The following ZZZ3 variants were observed in gnomAD, a reference collection of about 807,000 sequenced individuals.
ZZZ3 encodes the protein zinc finger ZZ-type containing 3.
ZZZ3 carries 22 observed loss-of-function variants against 95.2 expected under a neutral mutation model. The ratio of observed to expected loss-of-function variants is 0.23; its 90% CI spans 0.17 to 0.33. The LOEUF (loss-of-function observed/expected upper bound fraction) is 0.33, where lower values mean the gene tolerates loss of function less well. Among genes scored for constraint, ZZZ3 ranks in the 10% least tolerant of loss-of-function variants. The pLI, the probability that ZZZ3 is intolerant of heterozygous loss-of-function variation, is 1.00. For missense variants in ZZZ3, 885 were observed against 1,066.5 expected (o/e 0.83, Z 2.37); for synonymous variants, 335 against 358.9 (o/e 0.93, Z 0.75).
chr1:77,601,677 G>A (rs1263328335), intron 5 of ZZZ3, among the ~76,000 whole-genome samples: 1 of 152,102 alleles, frequency 6.6e-6, no homozygotes, highest in Admixed American at 6.6e-5. Context: ...TCATTTCCCT[G>A]TTTAAAAGAC....
At chr1:77,608,007 A>C (rs1665425203) in intron 5 of ZZZ3, among the ~76,000 whole-genome samples, 1 of 152,096 alleles carries the variant, frequency 6.6e-6, no homozygotes, top group Non-Finnish European at 1.5e-5. Context: ...GCATGACTAC[A>C]GGATCTGGAA....
chr1:77,633,394 T>A lies in ZZZ3; in HGVS notation c.-40A>T. The stretch of plus-strand genomic sequence containing the variant: ...CTACAATACGGTCATCATGATCCAC[T>A]CATTGGGAAACCTTCAAAAATGTAA... On this transcript the variant is annotated 5_prime_UTR_variant, in exon 5 of 15. Coordinates refer to ENST00000370801, the MANE Select transcript of ZZZ3 (RefSeq NM_015534.6). 1 of 1,531,838 alleles carries A rather than the reference T, an allele frequency of 6.5e-7. No homozygotes were observed. Among genetic ancestry groups the A allele is most frequent in the Non-Finnish European group, 8.7e-7 (1 of 1,143,564 alleles). The allele number at this position is 1,531,838 out of a possible 1,614,324, so 94.9% of individuals were successfully genotyped here. A position where few individuals can be genotyped will look rare whatever the true frequency, so the allele number is the denominator to read the frequency against.
At chr1:77,587,852 C>A (rs1570437137) in intron 5 of ZZZ3, among the ~76,000 whole-genome samples, 2 of 152,358 alleles carry the variant, frequency 1.3e-5, no homozygotes, top group East Asian at 3.9e-4. Flanking sequence ...TCAGCCTACT[C>A]AACGTGAGGA....
chr1:77,566,081 C>A lies in ZZZ3; in HGVS notation c.2567G>T (p.Cys856Phe). The change falls in exon 14 of 15, where the codon TGT becomes TTT. Residue 856 changes from cysteine to phenylalanine, a missense_variant and splice_region_variant. This residue lies in a region of ZZZ3 where 221 missense variants were observed against 247.8 expected (regional missense o/e 0.89). Transcript: ENST00000370801. ...SLDFCDSCSD[C>F]LHETDIHKED... ...GACTGACAATGAAGAAAACACTTACCAGTCTGAACAAGAATCACAGAAATC... is the reference window on the plus strand; with the variant it reads ...GACTGACAATGAAGAAAACACTTACAAGTCTGAACAAGAATCACAGAAATC... The A allele has an allele frequency of 6.2e-7, 1 of 1,609,124 alleles. No homozygotes were observed. Among genetic ancestry groups the A allele is most frequent in the South Asian group, 1.1e-5 (1 of 90,274 alleles).
chr1:77,585,411 A>G (rs1486612100), intron 5 of ZZZ3, among the ~76,000 whole-genome samples: 1 of 152,204 alleles, frequency 6.6e-6, no homozygotes, highest in East Asian at 1.9e-4. Flanking sequence ...CCCTCTGTTT[A>G]AATTGTCCTG....
At chr1:77,672,254 A>G (rs1220263158) in intron 1 of ZZZ3, among the ~76,000 whole-genome samples, 5 of 152,176 alleles carry the variant, frequency 3.3e-5, no homozygotes, top group Non-Finnish European at 5.9e-5. Flanking sequence ...CCAGGGAACT[A>G]TAAAGTTACA....
At chr1:77,627,446 A>C (rs922677146) in intron 5 of ZZZ3, among the ~76,000 whole-genome samples, 3 of 152,196 alleles carry the variant, frequency 2.0e-5, no homozygotes, top group Non-Finnish European at 4.4e-5. Context: ...TACTTTGACC[A>C]ACAGTAAAAG....
rs1363205096 is a variant in ZZZ3, at chr1:77,632,454, T to C, written c.901A>G (p.Thr301Ala). 1.2e-6 allele frequency: 2 copies of C among 1,614,150 alleles called. No homozygotes were observed. Among genetic ancestry groups the C allele is most frequent in the Non-Finnish European group, 1.7e-6 (2 of 1,180,002 alleles). ...GACTGAGTTTCAGAAAAGGGCCCTG[T>C]AGCTGGCTCAGTAGTCAGCTGATTA... Reference protein sequence around the residue: ...HVNQLTTEPATGPFSETQSSL... With the variant: ...HVNQLTTEPAAGPFSETQSSL... Residue 301 changes from threonine (T) to alanine (A), a missense_variant, in exon 5 of 15, where the codon ACA becomes GCA. By Grantham distance (58) the Thr-to-Ala change is moderately conservative. Around this residue, in one of 5 missense-constraint regions of ZZZ3, gnomAD observed 556 missense variants for 652.9 expected, o/e 0.85. Transcript: ENST00000370801.
chr1:77,670,577 T>C (rs774311465), intron 1 of ZZZ3, among the ~76,000 whole-genome samples: 29 of 152,060 alleles, frequency 1.9e-4, no homozygotes, highest in Non-Finnish European at 3.8e-4. Flanking sequence ...TGCAAATTTT[T>C]ACCAGAAACA....
At chr1:77,571,104 T>C (rs1661344461) in intron 12 of ZZZ3, among the ~76,000 whole-genome samples, 1 of 152,136 alleles carries the variant, frequency 6.6e-6, no homozygotes, top group African/African-American at 2.4e-5. Context: ...TTAGATAATA[T>C]AGTAAGACAC....
intron 5 of ZZZ3, among the ~76,000 whole-genome samples, chr1:77,594,922 A>C (rs946581614): frequency 9.0e-5 from 8 of 88,764 alleles, no homozygotes; most frequent in Admixed American, 2.1e-4. Flanking sequence ...TGACAGGCCC[A>C]AAAAAAAAAA....
At chr1:77,650,654 C>A (rs1335475248) in intron 1 of ZZZ3, among the ~76,000 whole-genome samples, 4 of 147,792 alleles carry the variant, frequency 2.7e-5, no homozygotes, top group Non-Finnish European at 1.5e-5. Context: ...CAGCTTCTAC[C>A]TTAAGAAACT....
intron 1 of ZZZ3, among the ~76,000 whole-genome samples, chr1:77,644,247 G>C (rs943925343): frequency 2.0e-5 from 3 of 151,708 alleles, no homozygotes; most frequent in African/African-American, 7.3e-5. Flanking sequence ...TGTACTTTTA[G>C]TAGAGATGGG....
At chr1:77,584,276 G>C (rs1356458649) in intron 6 of ZZZ3, among the ~76,000 whole-genome samples, 1 of 152,132 alleles carries the variant, frequency 6.6e-6, no homozygotes, top group African/African-American at 2.4e-5. Flanking sequence ...CTAAGGAATA[G>C]GACAAGTTCC....
At chr1:77,575,754 A>G (rs947217311) in intron 12 of ZZZ3, among the ~76,000 whole-genome samples, 2 of 152,182 alleles carry the variant, frequency 1.3e-5, no homozygotes, top group Admixed American at 1.3e-4. Flanking sequence ...ATAACAAATT[A>G]CCTTTTATAA....
At chr1:77,575,748 C>A (rs1463380396) in intron 12 of ZZZ3, among the ~76,000 whole-genome samples, 1 of 151,986 alleles carries the variant, frequency 6.6e-6, no homozygotes, top group African/African-American at 2.4e-5. Flanking sequence ...CACTGTATAA[C>A]AAATTACCTT....
Position 77,581,010 on chromosome 1 carries a change from A to G in ZZZ3, c.1968T>C (p.Thr656=), listed in dbSNP as rs1662459435. 1 of 1,613,924 alleles carries G rather than the reference A, an allele frequency of 6.2e-7. No individual in the cohort carries two copies. The highest frequency in any genetic ancestry group is 8.5e-7 in the Non-Finnish European group (1 of 1,179,768). ...AAATATTTATTACCTGTTCTTCAAC[A>G]GTCCACAACTGGTTAAATGTTTCAG... is the stretch of plus-strand genomic sequence containing the variant. ...TKPETFNQLW[T]VEEQKKLEQL... is the part of the protein sequence containing the mutation. The change falls in exon 9 of 15, where the codon ACT becomes ACC. Residue 656 remains threonine, a synonymous_variant. Transcript: ENST00000370801.
chr1:77,637,224 C>T (rs1479157102), intron 4 of ZZZ3, among the ~76,000 whole-genome samples: 6 of 152,098 alleles, frequency 3.9e-5, no homozygotes, highest in Non-Finnish European at 7.4e-5. Context: ...CCTTTAATTT[C>T]TTACTGGATC....
At position 77,581,777 on chromosome 1, in the gene ZZZ3, T is replaced by A; in HGVS notation, c.1907A>T (p.Gln636Leu). The A allele has an allele frequency of 6.2e-7, 1 of 1,609,684 alleles. No homozygotes were observed. Among genetic ancestry groups the A allele is most frequent in the Non-Finnish European group, 8.5e-7 (1 of 1,177,414 alleles). ...DGPEGSSSRP[Q>L]MIRGRLCDDT... ...ACTCCAATATTTCACACTGCTTACC[T>A]GAGGACGACTGCTTGAGCCTTCTGG... The change falls in exon 8 of 15, where the codon CAG (glutamine) becomes CTG (leucine). Residue 636 changes from glutamine (Q) to leucine (L), a missense_variant and splice_region_variant. By Grantham distance (113) the Gln-to-Leu change is moderately radical (BLOSUM62 -2). This residue lies in a region of ZZZ3 where 99 missense variants were observed against 119.8 expected (regional missense o/e 0.83). Coordinates refer to ENST00000370801, the MANE Select transcript of ZZZ3 (RefSeq NM_015534.6).
Sources: gnomAD v4.1 joint callset for allele counts (sites outside exome capture counted in the v4.1 genomes callset) on GRCh38, gnomAD v4.1.1 for gene constraint, gnomAD v4.1.1 regional missense constraint, MANE v1.5 for transcripts, NCBI Gene and HGNC (gene_info 2026-07-23, HGNC 2026-07-21) for gene names.